Variants in LPAR4 observed in about 807,000 individuals in gnomAD.
The protein encoded by LPAR4 is G-protein coupled receptor 23.
A neutral mutation model predicts 9.2 loss-of-function variants in LPAR4; 14 were observed. The observed-to-expected ratio is 1.51, with a 90% CI of 1.00 to 2.37. The LOEUF (loss-of-function observed/expected upper bound fraction) is 2.37, where lower values mean the gene tolerates loss of function less well. Ranked by LOEUF, LPAR4 falls within the 30% of genes most tolerant of loss-of-function variation. The pLI is 0.00. For synonymous variants in LPAR4, 131 were observed against 97.9 expected (o/e 1.34, Z -1.99); for missense variants, 251 against 272.1 (o/e 0.92, Z 0.55).
Position 78,750,181 on chromosome X carries a change from G to C in LPAR4, c.-287G>C, listed in dbSNP as rs979137086. The stretch of plus-strand genomic sequence containing the variant: ...ATATTCATTTCATTCCAGGAAGACA[G>C]ATTTCTGGAGGAGTGTGAAAATCAA... On this transcript the variant is annotated 5_prime_UTR_variant, in exon 2 of 5. Transcript: ENST00000614823. 8 of 111,800 alleles carry C rather than the reference G, an allele frequency of 7.2e-5. No individual in the cohort carries two copies. Among genetic ancestry groups the C allele is most frequent in the Non-Finnish European group, 1.5e-4 (8 of 53,113 alleles). 9.2% of individuals were successfully genotyped at this position (111,800 alleles called of 1,213,427 possible).
intron 1 of LPAR4, chrX:78,749,343 C>G (rs867473498): frequency 9.0e-6 from 1 of 111,556 alleles, no homozygotes; most frequent in Non-Finnish European, 1.9e-5. Context: ...AATGTGTTTG[C>G]GAATATTAGT....
Position 78,755,857 on chromosome X carries a change from A to T in LPAR4, c.988A>T (p.Met330Leu), listed in dbSNP as rs1417129437. ...KSFYINAHIR[M>L]ESLFKTETPL... is the part of the protein sequence containing the mutation. Reference sequence around the variant, plus strand: ...CTTCTACATCAATGCCCACATCAGAATGGAGTCCCTGTTTAAGACTGAAAC... The same window carrying T: ...CTTCTACATCAATGCCCACATCAGATTGGAGTCCCTGTTTAAGACTGAAAC... The change falls in exon 5 of 5, where the codon ATG becomes TTG. Residue 330 changes from methionine (M) to leucine (L), a missense_variant. Transcript: ENST00000614823. The T allele has an allele frequency of 2.5e-6, 3 of 1,210,815 alleles. No homozygotes were observed. In the South Asian group the frequency reaches 5.3e-5, roughly 21 times the overall value.
At position 78,757,397 on chromosome X, in the gene LPAR4, T is replaced by C. The variant is rs5959189; in HGVS notation, c.*1415T>C. 0.064 allele frequency among the ~76,000 whole-genome samples: 7,146 copies of C among 111,489 alleles called. 241 individuals carry two copies. The highest frequency in any genetic ancestry group is 0.16 in the South Asian group (438 of 2,706). ...GCATTTTCTGAGCATCTGCGAAACT[T>C]ACAAAACACTATAACATTCATATAA... On this transcript the variant is annotated 3_prime_UTR_variant, in exon 5 of 5. Coordinates refer to ENST00000614823, the MANE Select transcript of LPAR4 (RefSeq NM_001278000.3).
chrX:78,750,078 C>T (rs1006802781), intron 1 of LPAR4, 96 bp from the exon 2 acceptor site: 2 of 111,648 alleles, frequency 1.8e-5, no homozygotes, highest in South Asian at 3.7e-4. Context: ...TTTGTATAAT[C>T]GTTATCAACT....
At chrX:78,754,763 A>G in intron 4 of LPAR4, 28 bp from the exon 5 acceptor site, 1 of 650,021 alleles carries the variant, frequency 1.5e-6, no homozygotes, top group Non-Finnish European at 2.3e-6. Flanking sequence ...GGCAAATTTG[A>G]TTATTTGTTC....
At chrX:78,753,513 G>A (rs1458950369) in intron 4 of LPAR4, among the ~76,000 whole-genome samples, 1 of 111,714 alleles carries the variant, frequency 9.0e-6, no homozygotes, top group East Asian at 2.8e-4. Context: ...TGAGGCACAA[G>A]GTATACATGA....
At position 78,755,109 on chromosome X, in the gene LPAR4, T is replaced by A; in HGVS notation, c.240T>A (p.Asn80Lys). Residue 80 changes from asparagine to lysine, a missense_variant, in exon 5 of 5, where the codon AAT (asparagine) becomes AAA (lysine). Coordinates refer to ENST00000614823, the MANE Select transcript of LPAR4 (RefSeq NM_001278000.3). Reference protein sequence around the residue: ...MRSETAIFITNLAVSDLLFVC... With the variant: ...MRSETAIFITKLAVSDLLFVC... Reference sequence around the variant, plus strand: ...GTGAGACTGCTATTTTTATCACCAATCTAGCTGTCTCTGATTTGCTTTTTG... The same window carrying A: ...GTGAGACTGCTATTTTTATCACCAAACTAGCTGTCTCTGATTTGCTTTTTG... 3.3e-6 allele frequency: 4 copies of A among 1,210,332 alleles called. No individual in the cohort carries two copies. Among genetic ancestry groups the A allele is most frequent in the Non-Finnish European group, 4.5e-6 (4 of 894,462 alleles).
chrX:78,758,000 TACTGAG>T lies in LPAR4; in HGVS notation c.*2022_*2027del. ...TTCTGATGATATGCAGACTTAAAAATACTGAGACTTTTAAGTAAAAATCTGTTAGCA... is the reference window on the plus strand; with the variant it reads ...TTCTGATGATATGCAGACTTAAAAATACTTTTAAGTAAAAATCTGTTAGCA... On this transcript the variant is annotated 3_prime_UTR_variant, in exon 5 of 5. Coordinates refer to ENST00000614823, the MANE Select transcript of LPAR4 (RefSeq NM_001278000.3). Among the ~76,000 whole-genome samples, 1 of 111,978 alleles carries T rather than the reference TACTGAG, an allele frequency of 8.9e-6. No individual in the cohort carries two copies. Among genetic ancestry groups the T allele is most frequent in the East Asian group, 2.8e-4 (1 of 3,604 alleles).
At chrX:78,749,319 A>G (rs1379991797) in intron 1 of LPAR4, 1 of 111,876 alleles carries the variant, frequency 8.9e-6, no homozygotes, top group Non-Finnish European at 1.9e-5. Flanking sequence ...TGTTGGGGGA[A>G]GAACAAAACC....
Position 78,757,414 on chromosome X carries a change from T to G in LPAR4, c.*1432T>G, listed in dbSNP as rs912798457. On this transcript the variant is annotated 3_prime_UTR_variant, in exon 5 of 5. Transcript: ENST00000614823. ...GCGAAACTTACAAAACACTATAACA[T>G]TCATATAATGCTTTGGATCAAATTG... Among the ~76,000 whole-genome samples, 2 of 111,554 alleles carry G rather than the reference T, an allele frequency of 1.8e-5. No homozygotes were observed. The highest frequency in any genetic ancestry group is 9.5e-5 in the Admixed American group (1 of 10,493).
rs377611325 is a variant in LPAR4, at chrX:78,750,237, A to G, written c.-245+14A>G. On this transcript the variant is annotated intron_variant, in intron 2 of 4. Transcript: ENST00000614823. The stretch of plus-strand genomic sequence containing the variant: ...CTTAATATTAAGGTGATCTCAATGT[A>G]TCTTAAATTATCTAATCATTGTACT... The G allele has an allele frequency of 2.3e-4, 26 of 111,482 alleles. No homozygotes were observed. In the East Asian group the frequency reaches 5.3e-3, roughly 23 times the overall value. The allele number at this position is 111,482 out of a possible 1,213,427, so 9.2% of individuals were successfully genotyped here.
Position 78,755,637 on chromosome X carries a change from A to C in LPAR4, c.768A>C (p.Ala256=), listed in dbSNP as rs766638269. The change falls in exon 5 of 5, where the codon GCA becomes GCC. Residue 256 remains alanine, a synonymous_variant. Transcript: ENST00000614823. Reference sequence around the variant, plus strand: ...TGAAAATGATCACAGTACATATGGCAGTCTTTGTGGTATGCTTTGTACCCT... The same window carrying C: ...TGAAAATGATCACAGTACATATGGCCGTCTTTGTGGTATGCTTTGTACCCT... ...KVLKMITVHM[A]VFVVCFVPYN... 8.0e-5 allele frequency: 97 copies of C among 1,207,775 alleles called. No homozygotes were observed. The highest frequency in any genetic ancestry group is 9.6e-5 in the Non-Finnish European group (86 of 893,615).
chrX:78,750,372 A>G (rs1925005637), intron 2 of LPAR4, 149 bp downstream of exon 2: 1 of 111,795 alleles, frequency 8.9e-6, no homozygotes. Context: ...GAGATGTAAC[A>G]ATAGTGTACG....
Position 78,754,784 on chromosome X carries a change from C to G in LPAR4, c.-79-7C>G. The G allele has an allele frequency of 2.4e-6, 2 of 821,352 alleles. No homozygotes were observed. Among genetic ancestry groups the G allele is most frequent in the East Asian group, 6.6e-5 (2 of 30,412 alleles). 67.7% of individuals were successfully genotyped at this position (821,352 alleles called of 1,213,427 possible). A position where few individuals can be genotyped will look rare whatever the true frequency, so the allele number is the denominator to read the frequency against. Reference sequence around the variant, plus strand: ...TTTGATTATTTGTTCCATCTTGTCTCTCATAGGAGGAAAATATTTCCTACC... The same window carrying G: ...TTTGATTATTTGTTCCATCTTGTCTGTCATAGGAGGAAAATATTTCCTACC... On this transcript the variant is annotated splice_polypyrimidine_tract_variant and splice_region_variant and intron_variant, in intron 4 of 4. Transcript: ENST00000614823.
intron 4 of LPAR4, among the ~76,000 whole-genome samples, chrX:78,753,580 TAA>T (rs1370292778): frequency 8.9e-6 from 1 of 111,908 alleles, no homozygotes; most frequent in Non-Finnish European, 1.9e-5. Context: ...GACAGAAATA[TAA>T]AGTTACAGTT....
rs188865011 is a variant in LPAR4 at position 78,757,465 on chromosome X, C to A, written c.*1483C>A. On this transcript the variant is annotated 3_prime_UTR_variant, in exon 5 of 5. Transcript: ENST00000614823. The stretch of plus-strand genomic sequence containing the variant: ...CAACTAAGAAGCTGCTAAAATGGCA[C>A]CCAGTTTAAAAGGAATTAAAAACAG... 5.4e-5 allele frequency among the ~76,000 whole-genome samples: 6 copies of A among 111,362 alleles called. No homozygotes were observed. In the East Asian group the frequency reaches 1.7e-3, roughly 31 times the overall value.
chrX:78,755,932 G>A lies in LPAR4; in HGVS notation c.1063G>A (p.Asp355Asn), dbSNP rs1179974139. 1 of 1,206,490 alleles carries A rather than the reference G, an allele frequency of 8.3e-7. No homozygotes were observed. Among genetic ancestry groups the A allele is most frequent in the Non-Finnish European group, 1.1e-6 (1 of 892,781 alleles). The change falls in exon 5 of 5, where the codon GAT (aspartate) becomes AAT (asparagine). Residue 355 changes from aspartate (D) to asparagine (N), a missense_variant. By Grantham distance (23) the Asp-to-Asn change is conservative. Transcript: ENST00000614823. ...SLPAIQEEVSDQTTNNGGELM... is the reference protein window; with the variant it reads ...SLPAIQEEVSNQTTNNGGELM... ...TCCAGCTATTCAAGAGGAAGTGAGT[G>A]ATCAAACAACAAATAATGGTGGTGA...
chrX:78,757,147 T>G lies in LPAR4; in HGVS notation c.*1165T>G, dbSNP rs1602203601. ...AAAAACCAGAGAACCCCAAGAAAAA[T>G]AAAAATAAAAAAACCTCAACAATAA... is the stretch of plus-strand genomic sequence containing the variant. On this transcript the variant is annotated 3_prime_UTR_variant, in exon 5 of 5. Transcript: ENST00000614823. 1 of 113,986 alleles carries G rather than the reference T, an allele frequency of 8.8e-6. No individual in the cohort carries two copies. Among genetic ancestry groups the G allele is most frequent in the African/African-American group, 3.5e-5 (1 of 28,279 alleles). The allele number at this position is 113,986 out of a possible 1,213,427, so 9.4% of individuals were successfully genotyped here.
Position 78,755,384 on chromosome X carries a change from C to A in LPAR4, c.515C>A (p.Ser172Ter). 8.3e-7 allele frequency: 1 copy of A among 1,210,593 alleles called. No homozygotes were observed. The highest frequency in any genetic ancestry group is 1.1e-6 in the Non-Finnish European group (1 of 894,825). The stretch of plus-strand genomic sequence containing the variant: ...ATCCTAGTCCTCAGTGGCGGTATTT[C>A]AGCCTCTTTGTTTTCCACCACTAAT... ...VWILVLSGGI[S>*]ASLFSTTNVN... Residue 172 changes from serine to a stop codon, truncating the protein, a stop_gained, in exon 5 of 5, where the codon TCA (serine) becomes TAA (stop). Transcript: ENST00000614823. LOFTEE classifies it high-confidence loss of function.
Sources: allele counts gnomAD v4.1 joint callset (sites outside exome capture counted in the v4.1 genomes callset), GRCh38; gene constraint gnomAD v4.1.1; transcripts MANE v1.5; gene names NCBI Gene and HGNC (gene_info 2026-07-23, HGNC 2026-07-21).